The following GLIS3 variants were observed in gnomAD, a reference collection of about 807,000 sequenced individuals.
The protein encoded by GLIS3 is zinc finger protein GLIS3.
GLIS3 carries 53 observed loss-of-function variants against 78.6 expected under a neutral mutation model. That is an observed-to-expected ratio of 0.67 (90% confidence interval 0.54 to 0.85). The LOEUF (loss-of-function observed/expected upper bound fraction) is 0.85. Ranked by LOEUF, GLIS3 falls within the 40% of genes least tolerant of loss-of-function variation. The pLI, the probability that GLIS3 is intolerant of heterozygous loss-of-function variation, is 0.00. For synonymous variants in GLIS3, 684 were observed against 509.9 expected (o/e 1.34, Z -4.60); for missense variants, 1,703 against 1,231.1 (o/e 1.38, Z -5.74).
chr9:4,158,312 T>C (rs1586834615), intron 2 of GLIS3, among the ~76,000 whole-genome samples: 1 of 152,184 alleles, frequency 6.6e-6, no homozygotes, highest in Non-Finnish European at 1.5e-5. Flanking sequence ...ATGTTTGCCA[T>C]ATCCCTGATA....
chr9:3,942,375 T>C (rs992018850), intron 4 of GLIS3, among the ~76,000 whole-genome samples: 3 of 152,178 alleles, frequency 2.0e-5, no homozygotes, highest in Non-Finnish European at 4.4e-5. Context: ...TGACGAAGTA[T>C]ATGCCAGTTC....
rs10125372 is a variant in GLIS3, at chr9:3,982,457, T to C, written c.1711-45268A>G. 7.5e-3 allele frequency among the ~76,000 whole-genome samples: 1,149 copies of C among 152,322 alleles called. 15 individuals carry two copies. Among genetic ancestry groups the C allele is most frequent in the African/African-American group, 0.027 (1,119 of 41,566 alleles). ...GGAATTGTAAAGATCAAAGTTTTGC[T>C]ACTTACTACAGTGTTTCTATGAATG... On this transcript the variant is annotated intron_variant, in intron 4 of 10. Transcript: ENST00000381971.
At position 3,977,005 on chromosome 9, in the gene GLIS3, TAA is replaced by T. The variant is rs34753330; in HGVS notation, c.1711-39818_1711-39817del. On this transcript the variant is annotated intron_variant, in intron 4 of 10. Transcript: ENST00000381971. The surrounding 1 kb of genome is among the most constrained non-coding windows in gnomAD (Gnocchi z 4.1). ...ATCATGACAGATGGCTCCTGCTAGT[TAA>T]AAAAAAATTAGCTAAAATTTCAGAT... Among the ~76,000 whole-genome samples the T allele has an allele frequency of 6.6e-6, 1 of 150,938 alleles. No homozygotes were observed. The highest frequency in any genetic ancestry group is 2.4e-5 in the African/African-American group (1 of 41,096).
At chr9:4,421,084 G>A in the GLIS3 span, among the ~76,000 whole-genome samples, 436 of 152,328 alleles carry the variant, frequency 2.9e-3, 1 homozygote, top group Middle Eastern at 0.01. Flanking sequence ...ATCTTCACCA[G>A]CACTGAGTTT....
chr9:4,396,767 T>TAA, the GLIS3 span, among the ~76,000 whole-genome samples: 1 of 152,166 alleles, frequency 6.6e-6, no homozygotes, highest in South Asian at 2.1e-4. Flanking sequence ...ACCTCGTTAG[T>TAA]CCTTTCATGG....
intron 2 of GLIS3, among the ~76,000 whole-genome samples, chr9:4,218,289 C>CT (rs548990394): frequency 0.049 from 7,325 of 149,148 alleles, 197 homozygotes; most frequent in Middle Eastern, 0.065. Flanking sequence ...TTTGGTTGAA[C>CT]TTTTTTTTTT....
At chr9:4,178,158 G>C (rs965109514) in intron 2 of GLIS3, among the ~76,000 whole-genome samples, 1 of 152,130 alleles carries the variant, frequency 6.6e-6, no homozygotes, top group African/African-American at 2.4e-5. Context: ...AATGACTCTG[G>C]TCAGTTGCAT....
chr9:4,463,129 G>GT, the GLIS3 span, among the ~76,000 whole-genome samples: 1 of 152,186 alleles, frequency 6.6e-6, no homozygotes, highest in South Asian at 2.1e-4. Flanking sequence ...ACCAAATACT[G>GT]TGTCACAGAA....
chr9:4,083,856 C>T (rs924519641), intron 4 of GLIS3, among the ~76,000 whole-genome samples: 6 of 152,152 alleles, frequency 3.9e-5, no homozygotes, highest in Non-Finnish European at 8.8e-5. Flanking sequence ...TTGCTTACAT[C>T]AATAATTTCT....
intron 2 of GLIS3, among the ~76,000 whole-genome samples, chr9:4,322,661 G>C (rs1230008100): frequency 2.6e-5 from 4 of 152,212 alleles, no homozygotes; most frequent in African/African-American, 7.2e-5. Context: ...CTGATGACCA[G>C]TGATGATGAG....
At chr9:4,322,080 C>T (rs1009588795) in intron 2 of GLIS3, among the ~76,000 whole-genome samples, 1 of 152,028 alleles carries the variant, frequency 6.6e-6, no homozygotes, top group Non-Finnish European at 1.5e-5. Flanking sequence ...GCCCTGTGTC[C>T]AAGTGTTCTC....
chr9:4,451,904 C>T, the GLIS3 span, among the ~76,000 whole-genome samples: 1 of 143,174 alleles, frequency 7.0e-6, no homozygotes, highest in African/African-American at 3.0e-5. Flanking sequence ...GCAGGAAAGA[C>T]CTAAAACTGA....
At chr9:3,942,936 G>A (rs1265304359) in intron 4 of GLIS3, among the ~76,000 whole-genome samples, 2 of 152,062 alleles carry the variant, frequency 1.3e-5, no homozygotes, top group Non-Finnish European at 2.9e-5. Flanking sequence ...CTAAACTGTG[G>A]TAGTCTCACA....
At chr9:4,167,737 AC>A (rs1815996365) in intron 2 of GLIS3, among the ~76,000 whole-genome samples, 1 of 152,200 alleles carries the variant, frequency 6.6e-6, no homozygotes, top group Non-Finnish European at 1.5e-5. Flanking sequence ...CTTTCACTGA[AC>A]TTTCACTGCC....
At chr9:4,319,964 A>C (rs895745477) in intron 2 of GLIS3, among the ~76,000 whole-genome samples, 1 of 151,104 alleles carries the variant, frequency 6.6e-6, no homozygotes, top group Non-Finnish European at 1.5e-5. Context: ...TGGTCCTTAC[A>C]GTAGGTTAGT....
chr9:4,148,490 T>G (rs1449647323), intron 2 of GLIS3, among the ~76,000 whole-genome samples: 1 of 152,056 alleles, frequency 6.6e-6, no homozygotes, highest in Admixed American at 6.6e-5. Context: ...TCCTCTAAAC[T>G]CCCACATAGT....
At chr9:4,023,923 G>C (rs1213914803) in intron 4 of GLIS3, among the ~76,000 whole-genome samples, 1 of 152,068 alleles carries the variant, frequency 6.6e-6, no homozygotes, top group Non-Finnish European at 1.5e-5. Flanking sequence ...TCGTTAAACA[G>C]GGTATAGGCT....
intron 2 of GLIS3, among the ~76,000 whole-genome samples, chr9:4,179,536 T>C (rs2131164658): frequency 6.6e-6 from 1 of 152,274 alleles, no homozygotes; most frequent in African/African-American, 2.4e-5. Flanking sequence ...CACTATTTAT[T>C]AAGCCTCTCT....
chr9:3,855,450 T>C (rs1819713583), intron 9 of GLIS3: 1 of 163,440 alleles, frequency 6.1e-6, no homozygotes, highest in Non-Finnish European at 1.3e-5. Flanking sequence ...AGTGAAAGTA[T>C]GTTTTATTCA....
Sources: gnomAD v4.1 joint callset for allele counts (sites outside exome capture counted in the v4.1 genomes callset) on GRCh38, gnomAD v4.1.1 for gene constraint, Gnocchi (gnomAD v3.1) non-coding constraint, MANE v1.5 for transcripts, NCBI Gene and HGNC (gene_info 2026-07-23, HGNC 2026-07-21) for gene names.